ABCB5: variants seen among roughly 807,000 people sequenced by gnomAD.
ABCB5 encodes the protein ATP binding cassette subfamily B member 5.
Under a neutral mutation model 144.2 loss-of-function variants are expected in ABCB5, and 155 were observed. The ratio of observed to expected loss-of-function variants is 1.08; its 90% CI spans 0.94 to 1.23. The LOEUF (loss-of-function observed/expected upper bound fraction) is 1.23, where lower values mean the gene tolerates loss of function less well. Among genes scored for constraint, ABCB5 ranks in the 50% most tolerant of loss-of-function variants. The pLI is 0.00. For synonymous variants in ABCB5, 610 were observed against 528.6 expected, an observed-to-expected ratio of 1.15 and a Z score of -2.11; for missense variants, 1,830 against 1,520.8, an observed-to-expected ratio of 1.20 and a Z score of -3.38.
At chr7:20,718,813 G>T (rs962652875) in intron 20 of ABCB5, among the ~76,000 whole-genome samples, 1 of 152,128 alleles carries the variant, frequency 6.6e-6, no homozygotes, top group Non-Finnish European at 1.5e-5. Context: ...AATTATCCCA[G>T]ATTCAGCCAG....
intron 16 of ABCB5, among the ~76,000 whole-genome samples, chr7:20,689,666 A>G (rs1272990696): frequency 6.6e-6 from 1 of 152,076 alleles, no homozygotes; most frequent in Non-Finnish European, 1.5e-5. Flanking sequence ...ATGCAGGCAG[A>G]ACAGAGGAGA....
At chr7:20,707,096 G>C (rs757870417) in intron 20 of ABCB5, among the ~76,000 whole-genome samples, 2 of 151,844 alleles carry the variant, frequency 1.3e-5, no homozygotes, top group African/African-American at 2.4e-5. Flanking sequence ...ATAATTTGGG[G>C]GTCATATTTC....
intron 5 of ABCB5, among the ~76,000 whole-genome samples, chr7:20,642,955 G>C (rs941792681): frequency 6.6e-6 from 1 of 152,088 alleles, no homozygotes; most frequent in African/African-American, 2.4e-5. Flanking sequence ...TAGCAAGAAT[G>C]TTTTAAAATA....
At chr7:20,620,246 A>C (rs983481331) in intron 1 of ABCB5, among the ~76,000 whole-genome samples, 4 of 152,166 alleles carry the variant, frequency 2.6e-5, no homozygotes, top group African/African-American at 7.2e-5. Context: ...CATATAAAAA[A>C]CCAACTCAAA....
intron 16 of ABCB5, among the ~76,000 whole-genome samples, chr7:20,693,168 G>T (rs1786290432): frequency 6.6e-6 from 1 of 151,860 alleles, no homozygotes; most frequent in Non-Finnish European, 1.5e-5. Flanking sequence ...CATAATACCA[G>T]CCTGGGTAAC....
chr7:20,700,426 G>C (rs1669752918), intron 19 of ABCB5, among the ~76,000 whole-genome samples: 1 of 152,162 alleles, frequency 6.6e-6, no homozygotes, highest in Admixed American at 6.5e-5. Flanking sequence ...GTAGTGTTCT[G>C]GGATCAGAAC....
chr7:20,650,091 G>T lies in ABCB5; in HGVS notation c.1276G>T (p.Gly426Trp). Residue 426 changes from glycine (G) to tryptophan (W), a missense_variant, in exon 12 of 28, where the codon GGG becomes TGG. Coordinates refer to ENST00000404938, the MANE Select transcript of ABCB5 (RefSeq NM_001163941.2). ...CGCCTTGGTCGGTCTCAATGGCAGT[G>T]GGAAGAGTACGGTAGTCCAGCTTCT... ...TVALVGLNGS[G>W]KSTVVQLLQR... 1 of 1,613,690 alleles carries T rather than the reference G, an allele frequency of 6.2e-7. No individual in the cohort carries two copies.
At chr7:20,684,152 A>G (rs772148603) in intron 15 of ABCB5, among the ~76,000 whole-genome samples, 8 of 152,188 alleles carry the variant, frequency 5.3e-5, no homozygotes, top group Non-Finnish European at 1.2e-4. Context: ...CATTAACATT[A>G]TTTTATCAAA....
intron 14 of ABCB5, among the ~76,000 whole-genome samples, 194 bp downstream of exon 14, chr7:20,658,870 T>C (rs1356594782): frequency 6.6e-6 from 1 of 152,156 alleles, no homozygotes; most frequent in Non-Finnish European, 1.5e-5. Flanking sequence ...GATGCTGTGG[T>C]TGGTTGGTGT....
Position 20,699,858 on chromosome 7 carries a change from C to A in ABCB5, c.2188C>A (p.His730Asn). ...AAATAATGATAAAACCACATTAAAG[C>A]ATGATGCAGAAATTTATTCCATGAT... The part of the protein sequence containing the change: ...FGNNDKTTLK[H>N]DAEIYSMIFV... The change falls in exon 18 of 28, where the codon CAT (histidine) becomes AAT (asparagine). Residue 730 changes from histidine (H) to asparagine (N), a missense_variant. His to Asn is a moderately conservative substitution (Grantham distance 68). Transcript: ENST00000404938. The A allele has an allele frequency of 6.2e-7, 1 of 1,611,636 alleles. No homozygotes were observed. The highest frequency in any genetic ancestry group is 8.5e-7 in the Non-Finnish European group (1 of 1,178,832).
intron 20 of ABCB5, 68 bp downstream of exon 20, chr7:20,704,875 G>A: frequency 2.3e-6 from 3 of 1,289,002 alleles, no homozygotes; most frequent in East Asian, 4.7e-5. Flanking sequence ...GCACACATGT[G>A]TCTGTGCATA....
In ABCB5 at chr7:20,647,460, T is replaced by A. The variant is rs191589529; in HGVS notation, c.982-75T>A. ...ATATCTCTCTGTGAGCCTAAACCAA[T>A]AATTATATATTACATTCTATTGTCT... On this transcript the variant is annotated intron_variant, in intron 9 of 27. Coordinates refer to ENST00000404938, the MANE Select transcript of ABCB5 (RefSeq NM_001163941.2). 1.9e-4 allele frequency: 280 copies of A among 1,464,322 alleles called. 6 individuals are homozygous for A. The East Asian group carries it at 7.0e-3, about 37-fold the overall frequency. The allele number at this position is 1,464,322 out of a possible 1,614,324, so 90.7% of individuals were successfully genotyped here. A position where few individuals can be genotyped will look rare whatever the true frequency, so the allele number is the denominator to read the frequency against.
intron 9 of ABCB5, among the ~76,000 whole-genome samples, 179 bp downstream of exon 9, chr7:20,646,317 T>G (rs1273762376): frequency 1.3e-5 from 2 of 152,232 alleles, no homozygotes; most frequent in Non-Finnish European, 2.9e-5. Context: ...ACAGCATTTA[T>G]TCATCCAGCA....
Position 20,755,672 on chromosome 7 carries a change from G to C in ABCB5, c.*48G>C, listed in dbSNP as rs775632145. 6.4e-7 allele frequency: 1 copy of C among 1,564,032 alleles called. No homozygotes were observed. The highest frequency in any genetic ancestry group is 8.8e-7 in the Non-Finnish European group (1 of 1,138,654). On this transcript the variant is annotated 3_prime_UTR_variant, in exon 28 of 28. Coordinates refer to ENST00000404938, the MANE Select transcript of ABCB5 (RefSeq NM_001163941.2). The stretch of plus-strand genomic sequence containing the variant: ...TTGATGTTCGTGTAATGCAAAGAAG[G>C]AGTACTTAATAATTACTTGGCAAGC...
chr7:20,681,789 T>C (rs1785839388), intron 15 of ABCB5, 123 bp downstream of exon 15: 2 of 1,100,332 alleles, frequency 1.8e-6, no homozygotes, highest in South Asian at 1.7e-5. Context: ...AGGTTTATAG[T>C]TCCTCAGTAA....
intron 14 of ABCB5, among the ~76,000 whole-genome samples, chr7:20,661,534 C>CTCCTTTTTTTT (rs1406657803): frequency 7.6e-6 from 1 of 132,388 alleles, no homozygotes; most frequent in African/African-American, 3.2e-5. Flanking sequence ...TCTTTCTTTT[C>CTCCTTTTTTTT]TTTTTCTTTT....
At chr7:20,647,165 C>A in intron 9 of ABCB5, 1 of 411,348 alleles carries the variant, frequency 2.4e-6, no homozygotes, top group Non-Finnish European at 3.3e-6. Flanking sequence ...TTCAAGGGGT[C>A]ACCCAACAAG....
At chr7:20,662,450 G>A (rs1320190554) in intron 14 of ABCB5, among the ~76,000 whole-genome samples, 26 of 152,166 alleles carry the variant, frequency 1.7e-4, no homozygotes, top group Admixed American at 1.4e-3. Flanking sequence ...ATCCAAAGTC[G>A]AAGTTAGGTC....
chr7:20,734,438 C>T (rs942789105), intron 23 of ABCB5, among the ~76,000 whole-genome samples: 6 of 149,768 alleles, frequency 4.0e-5, no homozygotes, highest in Admixed American at 6.8e-5. Flanking sequence ...ATTTGTAGAT[C>T]TAGTATGGGG....
Sources: gnomAD v4.1 joint callset for allele counts (sites outside exome capture counted in the v4.1 genomes callset) on GRCh38, gnomAD v4.1.1 for gene constraint, MANE v1.5 for transcripts, NCBI Gene and HGNC (gene_info 2026-07-23, HGNC 2026-07-21) for gene names.